The following SLC9A8 variants were observed in gnomAD, a reference collection of about 807,000 sequenced individuals.
SLC9A8 encodes the protein solute carrier family 9 member A8.
SLC9A8 carries 48 observed loss-of-function variants against 66.6 expected under a neutral mutation model. The observed-to-expected ratio is 0.72, with a 90% CI of 0.57 to 0.92. SLC9A8 has a LOEUF of 0.92. Ranked by LOEUF, SLC9A8 falls within the 40% of genes least tolerant of loss-of-function variation. The probability of loss-of-function intolerance (pLI) is 0.00; values close to 1 mark genes in which losing one functional copy is unlikely to be tolerated. For missense variants in SLC9A8, 599 were observed against 747.3 expected (o/e 0.80, Z 2.31); for synonymous variants, 274 against 282.6 (o/e 0.97, Z 0.31).
chr20:49,869,077 C>G (rs1347003904), intron 10 of SLC9A8, among the ~76,000 whole-genome samples: 1 of 152,108 alleles, frequency 6.6e-6, no homozygotes, highest in African/African-American at 2.4e-5. Flanking sequence ...ATGAATAGAC[C>G]CCACTTAGGC....
chr20:49,825,196 A>G (rs907912238), intron 3 of SLC9A8, among the ~76,000 whole-genome samples: 2 of 152,196 alleles, frequency 1.3e-5, no homozygotes, highest in East Asian at 3.8e-4. Flanking sequence ...ATAAACATCT[A>G]TTAGCTGTTG....
At chr20:49,843,911 C>A (rs1311257385) in intron 4 of SLC9A8, among the ~76,000 whole-genome samples, 2 of 152,032 alleles carry the variant, frequency 1.3e-5, no homozygotes, top group Non-Finnish European at 2.9e-5. Flanking sequence ...TCTGTTCGTT[C>A]CCTATACAGC....
At chr20:49,865,171 A>G (rs1320447523) in intron 10 of SLC9A8, among the ~76,000 whole-genome samples, 1 of 152,166 alleles carries the variant, frequency 6.6e-6, no homozygotes, top group Non-Finnish European at 1.5e-5. Flanking sequence ...TGTTTTACTG[A>G]TGAGAAAACT....
At chr20:49,842,104 A>G (rs1029456531) in intron 4 of SLC9A8, among the ~76,000 whole-genome samples, 2 of 145,092 alleles carry the variant, frequency 1.4e-5, no homozygotes, top group Admixed American at 1.4e-4. Context: ...GAGTCTCACT[A>G]TGTTATCCAG....
chr20:49,860,970 C>A (rs188615097), intron 8 of SLC9A8, among the ~76,000 whole-genome samples: 29 of 152,246 alleles, frequency 1.9e-4, no homozygotes, highest in African/African-American at 6.7e-4. Context: ...ACCATGACAA[C>A]CTTTAAATGG....
At chr20:49,875,202 A>G (rs375620753) in intron 11 of SLC9A8, among the ~76,000 whole-genome samples, 1 of 151,840 alleles carries the variant, frequency 6.6e-6, no homozygotes, top group Non-Finnish European at 1.5e-5. Context: ...TCACACCTGT[A>G]ATCCCAGCTG....
At position 49,863,796 on chromosome 20, in the gene SLC9A8, A is replaced by G. The variant is rs185720386; in HGVS notation, c.852+729A>G. ...TATGTTTAAAATAGTAACAGGCAGT[A>G]GACCACTTCGGTGCGCACCTAAGCC... On this transcript the variant is annotated intron_variant, in intron 9 of 15. Transcript: ENST00000361573. 7 of 152,372 alleles carry G rather than the reference A, an allele frequency of 4.6e-5. No homozygotes were observed. The East Asian group carries it at 1.3e-3, about 29-fold the overall frequency. The allele number at this position is 152,372 out of a possible 1,614,324, so 9.4% of individuals were successfully genotyped here. A position where few individuals can be genotyped will look rare whatever the true frequency, so the allele number is the denominator to read the frequency against.
chr20:49,844,797 C>G (rs888885568), intron 4 of SLC9A8, among the ~76,000 whole-genome samples: 2 of 151,176 alleles, frequency 1.3e-5, no homozygotes, highest in Non-Finnish European at 2.9e-5. Context: ...AAGAAAGACT[C>G]TGTCTCAAAA....
intron 5 of SLC9A8, among the ~76,000 whole-genome samples, chr20:49,848,454 T>TG (rs1169654027): frequency 1.3e-4 from 6 of 46,168 alleles, no homozygotes; most frequent in African/African-American, 2.9e-4. Flanking sequence ...GAGGACACTC[T>TG]TTCACAAGTG....
At chr20:49,828,488 G>A (rs2087014398) in intron 3 of SLC9A8, among the ~76,000 whole-genome samples, 1 of 149,228 alleles carries the variant, frequency 6.7e-6, no homozygotes, top group South Asian at 2.2e-4. Context: ...CTCCCAAAGT[G>A]TTGGAATTAC....
At chr20:49,847,382 CTTTT>C (rs11334417) in intron 5 of SLC9A8, among the ~76,000 whole-genome samples, 4 of 113,928 alleles carry the variant, frequency 3.5e-5, no homozygotes, top group Non-Finnish European at 3.7e-5. Context: ...TTTTTCTTTT[CTTTT>C]TTTTTTTTTT....
At chr20:49,814,804 G>A (rs1038611499) in intron 1 of SLC9A8, among the ~76,000 whole-genome samples, 2 of 152,052 alleles carry the variant, frequency 1.3e-5, no homozygotes, top group Non-Finnish European at 2.9e-5. Context: ...CTAAGTGGCT[G>A]TATTCAAAAG....
chr20:49,823,911 G>A (rs1440790432), intron 3 of SLC9A8, among the ~76,000 whole-genome samples: 1 of 152,120 alleles, frequency 6.6e-6, no homozygotes, highest in Non-Finnish European at 1.5e-5. Context: ...AATTTTTCCT[G>A]ATCACTGCTG....
intron 10 of SLC9A8, 40 bp from the exon 11 acceptor site, chr20:49,874,665 C>T (rs765637105): frequency 8.0e-7 from 1 of 1,253,102 alleles, no homozygotes; most frequent in East Asian, 2.3e-5. Flanking sequence ...AGTTGGGGAT[C>T]ACACGGCAGT....
At chr20:49,874,033 C>T (rs987583559) in intron 10 of SLC9A8, among the ~76,000 whole-genome samples, 1 of 151,630 alleles carries the variant, frequency 6.6e-6, no homozygotes, top group Non-Finnish European at 1.5e-5. Flanking sequence ...GCAGATCACC[C>T]GAGGTCAGGA....
intron 8 of SLC9A8, among the ~76,000 whole-genome samples, chr20:49,857,201 G>T (rs752310612): frequency 1.7e-4 from 26 of 152,182 alleles, no homozygotes; most frequent in Non-Finnish European, 2.9e-5. Context: ...CCCGGATAAT[G>T]TATCAAAAAT....
At chr20:49,887,740 C>A (rs1211142353) in intron 15 of SLC9A8, 89 bp from the exon 16 acceptor site, 5 of 986,774 alleles carry the variant, frequency 5.1e-6, no homozygotes, top group Non-Finnish European at 7.6e-6. Flanking sequence ...CCTCCCTAGA[C>A]ACCCCACACA....
chr20:49,830,782 C>CT (rs1025416833), intron 3 of SLC9A8: 2 of 874,200 alleles, frequency 2.3e-6, no homozygotes, highest in Non-Finnish European at 3.9e-6. Flanking sequence ...GCCATGATCA[C>CT]TGAGGTGCTG....
intron 12 of SLC9A8, 138 bp from the exon 13 acceptor site, chr20:49,880,786 G>T (rs2089599050): frequency 3.1e-6 from 2 of 645,412 alleles, no homozygotes; most frequent in Admixed American, 2.4e-5. Context: ...GCATGGTGTT[G>T]CTCGTGTCTT....
Sources: gnomAD v4.1 joint callset for allele counts (sites outside exome capture counted in the v4.1 genomes callset) on GRCh38, gnomAD v4.1.1 for gene constraint, MANE v1.5 for transcripts, NCBI Gene and HGNC (gene_info 2026-07-23, HGNC 2026-07-21) for gene names.